Variants in SLC12A5 observed in about 807,000 individuals in gnomAD.
SLC12A5 encodes solute carrier family 12 member 5.
In SLC12A5, 18 loss-of-function variants were observed where a neutral mutation model predicts 124.0. The observed-to-expected ratio is 0.15, with a 90% CI of 0.10 to 0.22. The LOEUF (loss-of-function observed/expected upper bound fraction) is 0.22, where lower values mean the gene tolerates loss of function less well. SLC12A5 is among the 10% of genes least tolerant of loss of function. The pLI is 1.00. For synonymous variants in SLC12A5, 589 were observed against 568.0 expected (o/e 1.04, Z -0.53); for missense variants, 867 against 1,478.7 (o/e 0.59, Z 6.78).
rs1249292839 is a variant in SLC12A5, at chr20:46,041,352, C to T, written c.878C>T (p.Thr293Met). The change falls in exon 8 of 26, where the codon ACG (threonine) becomes ATG (methionine). Residue 293 changes from threonine (T) to methionine (M), a missense_variant. Around this residue, in one of 9 missense-constraint regions of SLC12A5, gnomAD observed 127 missense variants for 164.1 expected, o/e 0.77. Transcript: ENST00000243964. Reference protein sequence around the residue: ...NFPICLLGNRTLSRHGFDVCA... With the variant: ...NFPICLLGNRMLSRHGFDVCA... Reference sequence around the variant, plus strand: ...AGGATCTGCCTCCTGGGTAACCGCACGCTGTCTCGCCATGGCTTTGATGTC... The same window carrying T: ...AGGATCTGCCTCCTGGGTAACCGCATGCTGTCTCGCCATGGCTTTGATGTC... The T allele has an allele frequency of 1.2e-6, 2 of 1,613,998 alleles. No individual in the cohort carries two copies. The highest frequency in any genetic ancestry group is 8.5e-7 in the Non-Finnish European group (1 of 1,180,008).
Position 46,045,797 on chromosome 20 carries a change from A to T in SLC12A5, c.1570-81A>T. The T allele has an allele frequency of 9.1e-7, 1 of 1,098,412 alleles. No homozygotes were observed. The highest frequency in any genetic ancestry group is 1.4e-6 in the Non-Finnish European group (1 of 730,738). The allele number at this position is 1,098,412 out of a possible 1,614,324, so 68.0% of individuals were successfully genotyped here. ...CTTTGGTGATAGGATTCCTGCCTCT[A>T]CTCCACTGGTTCCCGAGGCTAGGGG... On this transcript the variant is annotated intron_variant, in intron 12 of 25. Transcript: ENST00000243964. The surrounding 1 kb of genome is among the most constrained non-coding windows in gnomAD (Gnocchi z 4.9).
intron 21 of SLC12A5, among the ~76,000 whole-genome samples, chr20:46,055,552 G>C (rs1220895837): frequency 6.6e-6 from 1 of 152,116 alleles, no homozygotes; most frequent in Non-Finnish European, 1.5e-5. Context: ...CCAGAGTATG[G>C]ATGAAAGACC....
chr20:46,057,662 C>T lies in SLC12A5; in HGVS notation c.*57C>T. 7.6e-7 allele frequency: 1 copy of T among 1,311,184 alleles called. No individual in the cohort carries two copies. Among genetic ancestry groups the T allele is most frequent in the Non-Finnish European group, 1.1e-6 (1 of 947,198 alleles). The allele number at this position is 1,311,184 out of a possible 1,614,324, so 81.2% of individuals were successfully genotyped here. ...GCCCGGCCCGCGGCTCCGGAGCCCTCGCCGCGCCCCCCGCCGCTGTCACCG... is the reference window on the plus strand; with the variant it reads ...GCCCGGCCCGCGGCTCCGGAGCCCTTGCCGCGCCCCCCGCCGCTGTCACCG... On this transcript the variant is annotated 3_prime_UTR_variant, in exon 26 of 26. Coordinates refer to ENST00000243964, the MANE Select transcript of SLC12A5 (RefSeq NM_020708.5). The surrounding 1 kb of genome is among the most constrained non-coding windows in gnomAD (Gnocchi z 7.1).
intron 8 of SLC12A5, 58 bp downstream of exon 8, chr20:46,041,598 C>T (rs889686276): frequency 2.5e-5 from 40 of 1,582,064 alleles, no homozygotes; most frequent in Admixed American, 6.7e-5. Flanking sequence ...GTAGGTTAAG[C>T]GGTCAGGATT....
chr20:46,051,911 TG>T, intron 18 of SLC12A5, 41 bp downstream of exon 18: 3 of 307,092 alleles, frequency 9.8e-6, no homozygotes, highest in Admixed American at 5.0e-5. Flanking sequence ...GGGGTGGGGC[TG>T]GGGGCTGTAG....
At chr20:46,047,617 A>C (rs1486743907) in intron 15 of SLC12A5, 44 bp downstream of exon 15, 1 of 1,522,570 alleles carries the variant, frequency 6.6e-7, no homozygotes, top group Non-Finnish European at 9.0e-7. Flanking sequence ...GGAAGGCTGA[A>C]GGGTGGTGGG....
Position 46,049,607 on chromosome 20 carries a change from C to G in SLC12A5, c.2013-15C>G. 1.3e-6 allele frequency: 2 copies of G among 1,593,618 alleles called. No homozygotes were observed. The highest frequency in any genetic ancestry group is 1.7e-6 in the Non-Finnish European group (2 of 1,170,256). On this transcript the variant is annotated splice_polypyrimidine_tract_variant and intron_variant, in intron 16 of 25. Transcript: ENST00000243964. ...TACATGGTATATGGATTATGTGACT[C>G]TGCACACTCTTCAGGCCACAGCTGC...
chr20:46,056,481 C>A lies in SLC12A5; in HGVS notation c.3027C>A (p.Thr1009=), dbSNP rs201194560. ...TDPEKVHLTW[T]KDKSVAEKNK... Reference sequence around the variant, plus strand: ...CGGAGAAGGTGCATCTCACCTGGACCAAGGACAAGTCGGTGGCAGAGAAGA... The same window carrying A: ...CGGAGAAGGTGCATCTCACCTGGACAAAGGACAAGTCGGTGGCAGAGAAGA... Residue 1009 remains threonine (T), a synonymous_variant, in exon 23 of 26, where the codon ACC becomes ACA. Coordinates refer to ENST00000243964, the MANE Select transcript of SLC12A5 (RefSeq NM_020708.5). The surrounding 1 kb of genome is among the most constrained non-coding windows in gnomAD (Gnocchi z 4.3). 1 of 1,614,028 alleles carries A rather than the reference C, an allele frequency of 6.2e-7. No homozygotes were observed. The highest frequency in any genetic ancestry group is 8.5e-7 in the Non-Finnish European group (1 of 1,180,020).
In SLC12A5 at chr20:46,053,739, C is replaced by G. The variant is rs765034683; in HGVS notation, c.2679+30C>G. On this transcript the variant is annotated intron_variant, in intron 20 of 25. Transcript: ENST00000243964. The surrounding 1 kb of genome is among the most constrained non-coding windows in gnomAD (Gnocchi z 4.7). ...GTCCCCAGGAGACACCGCTGGGGTTCCACCTGGCCCTCTTTCCTCTTGGCC... is the reference window on the plus strand; with the variant it reads ...GTCCCCAGGAGACACCGCTGGGGTTGCACCTGGCCCTCTTTCCTCTTGGCC... 2.0e-6 allele frequency: 3 copies of G among 1,531,318 alleles called. No individual in the cohort carries two copies. The Admixed American group carries it at 5.8e-5, about 30-fold the overall frequency. The allele number at this position is 1,531,318 out of a possible 1,614,324, so 94.9% of individuals were successfully genotyped here. A position where few individuals can be genotyped will look rare whatever the true frequency, so the allele number is the denominator to read the frequency against.
chr20:46,025,467 C>G (rs777841407), upstream of SLC12A5, among the ~76,000 whole-genome samples: 17 of 152,186 alleles, frequency 1.1e-4, no homozygotes, highest in Non-Finnish European at 1.8e-4. Flanking sequence ...CTCTCTTTCT[C>G]TCTCATCCCC....
At position 46,029,239 on chromosome 20, in the gene SLC12A5, C is replaced by A; in HGVS notation, c.-106C>A. The A allele has an allele frequency of 6.9e-7, 1 of 1,454,768 alleles. No individual in the cohort carries two copies. The highest frequency in any genetic ancestry group is 9.1e-7 in the Non-Finnish European group (1 of 1,102,394). The allele number at this position is 1,454,768 out of a possible 1,614,324, so 90.1% of individuals were successfully genotyped here. The stretch of plus-strand genomic sequence containing the variant: ...CACTGCAGCTTCTTCCTCCGTGGAG[C>A]GGAGAGCGAGACAGAGCTACAGCGA... On this transcript the variant is annotated 5_prime_UTR_variant, in exon 1 of 26. Coordinates refer to ENST00000243964, the MANE Select transcript of SLC12A5 (RefSeq NM_020708.5).
chr20:46,037,633 T>G (rs1170517596), intron 6 of SLC12A5, among the ~76,000 whole-genome samples: 2 of 152,210 alleles, frequency 1.3e-5, no homozygotes, highest in Non-Finnish European at 2.9e-5. Context: ...TCCTTCCAAG[T>G]GCTTTCCAGC....
At chr20:46,040,770 G>T in intron 7 of SLC12A5, 156 bp downstream of exon 7, 2 of 1,195,254 alleles carry the variant, frequency 1.7e-6, no homozygotes, top group Non-Finnish European at 2.3e-6. Context: ...CTCTTAGTTT[G>T]GGGGCAATCT....
Position 46,059,812 on chromosome 20 carries a change from A to C in SLC12A5, c.*2207A>C, listed in dbSNP as rs971247633. 2.8e-5 allele frequency: 11 copies of C among 395,938 alleles called. No homozygotes were observed. Among genetic ancestry groups the C allele is most frequent in the Middle Eastern group, 6.4e-4 (1 of 1,574 alleles). The allele number at this position is 395,938 out of a possible 1,614,324, so 24.5% of individuals were successfully genotyped here. A position where few individuals can be genotyped will look rare whatever the true frequency, so the allele number is the denominator to read the frequency against. ...ATATTTCAATAGCCTTGTAGTGATAACTAGTGTTGCTTTTGTTTTAGATGA... is the reference window on the plus strand; with the variant it reads ...ATATTTCAATAGCCTTGTAGTGATACCTAGTGTTGCTTTTGTTTTAGATGA... On this transcript the variant is annotated 3_prime_UTR_variant, in exon 26 of 26. Transcript: ENST00000243964.
In SLC12A5 at chr20:46,041,325, C is replaced by G; in HGVS notation, c.855-4C>G. 1 of 1,613,862 alleles carries G rather than the reference C, an allele frequency of 6.2e-7. No homozygotes were observed. Among genetic ancestry groups the G allele is most frequent in the East Asian group, 2.2e-5 (1 of 44,882 alleles). On this transcript the variant is annotated splice_region_variant and splice_polypyrimidine_tract_variant and intron_variant, in intron 7 of 25. Transcript: ENST00000243964. ...CCACCTTCCTCCCTTGTTTCTCTCC[C>G]TAGGATCTGCCTCCTGGGTAACCGC...
upstream of SLC12A5, among the ~76,000 whole-genome samples, chr20:46,027,079 GAGTAGT>G (rs1259164988): frequency 6.6e-6 from 1 of 152,266 alleles, no homozygotes; most frequent in African/African-American, 2.4e-5. Context: ...CATCTCTGCA[GAGTAGT>G]AGAACACAGT....
chr20:46,022,739 G>T, intron 1 of SLC12A5: 1 of 398,490 alleles, frequency 2.5e-6, no homozygotes, highest in East Asian at 3.6e-5. Context: ...CGGGCCCTGT[G>T]CAGGGTCTTG....
intron 6 of SLC12A5, among the ~76,000 whole-genome samples, chr20:46,038,993 G>T (rs1336714731): frequency 1.3e-5 from 2 of 152,144 alleles, no homozygotes; most frequent in Non-Finnish European, 2.9e-5. Flanking sequence ...ATGCAATTCT[G>T]CCCATTGCAG....
At chr20:46,034,888 G>A in intron 1 of SLC12A5, 60 bp from the exon 2 acceptor site, 1 of 1,495,016 alleles carries the variant, frequency 6.7e-7, no homozygotes, top group Non-Finnish European at 9.3e-7. Flanking sequence ...ACCACTGTAT[G>A]CCCAGGTGGT....
Sources: allele counts gnomAD v4.1 joint callset (sites outside exome capture counted in the v4.1 genomes callset), GRCh38; gene constraint gnomAD v4.1.1; regional missense constraint gnomAD v4.1.1; non-coding constraint Gnocchi (gnomAD v3.1); transcripts MANE v1.5; gene names NCBI Gene and HGNC (gene_info 2026-07-23, HGNC 2026-07-21).